SVIL: variants seen among roughly 807,000 people sequenced by gnomAD.
The protein encoded by SVIL is archvillin.
In SVIL, 101 loss-of-function variants were observed where a neutral mutation model predicts 240.4. The ratio of observed to expected loss-of-function variants is 0.42; its 90% CI spans 0.36 to 0.50. The LOEUF (loss-of-function observed/expected upper bound fraction) is 0.50, where lower values mean the gene tolerates loss of function less well. Among genes scored for constraint, SVIL ranks in the 20% least tolerant of loss-of-function variants. The probability of loss-of-function intolerance (pLI) is 0.01; values close to 1 mark genes in which losing one functional copy is unlikely to be tolerated. For missense variants in SVIL, 2,512 were observed against 2,818.7 expected, an observed-to-expected ratio of 0.89 and a Z score of 2.46; for synonymous variants, 999 against 1,100.0, an observed-to-expected ratio of 0.91 and a Z score of 1.82.
chr10:29,627,696 AGACCT>A (rs1222427214), intron 1 of SVIL, among the ~76,000 whole-genome samples: 1 of 152,348 alleles, frequency 6.6e-6, no homozygotes, highest in East Asian at 1.9e-4. Flanking sequence ...TCTGGAGTGA[AGACCT>A]GATACAAATC....
chr10:29,660,465 T>C (rs1191695006), intron 2 of SVIL, among the ~76,000 whole-genome samples: 1 of 151,872 alleles, frequency 6.6e-6, no homozygotes, highest in East Asian at 1.9e-4. Flanking sequence ...TATAAAAAAT[T>C]AGCCAGGCAT....
At chr10:29,637,329 A>G (rs1958345092), upstream of SVIL, among the ~76,000 whole-genome samples, 1 of 152,072 alleles carries the variant, frequency 6.6e-6, no homozygotes, top group African/African-American at 2.4e-5. Context: ...TATCAAAAAT[A>G]CAGAAAAATT....
At chr10:29,500,942 G>A (rs1172238506) in intron 17 of SVIL, among the ~76,000 whole-genome samples, 2 of 152,148 alleles carry the variant, frequency 1.3e-5, no homozygotes, top group Non-Finnish European at 2.9e-5. Flanking sequence ...AATGATGGGA[G>A]TTGACAGAGG....
At chr10:29,492,721 C>T (rs1466148506) in intron 21 of SVIL, among the ~76,000 whole-genome samples, 1 of 152,148 alleles carries the variant, frequency 6.6e-6, no homozygotes, top group East Asian at 1.9e-4. Flanking sequence ...AATGAGAAAG[C>T]CCGCAGATCT....
In SVIL at chr10:29,522,619, C is replaced by A. The variant is rs139901296; in HGVS notation, c.3180G>T (p.Glu1060Asp). The change falls in exon 16 of 38, where the codon GAG (glutamate) becomes GAT (aspartate). Residue 1060 changes from glutamate (E) to aspartate (D), a missense_variant. Around this residue, in one of 3 missense-constraint regions of SVIL, gnomAD observed 1,443 missense variants for 1,486.6 expected, o/e 0.97. Coordinates refer to ENST00000355867, the MANE Select transcript of SVIL (RefSeq NM_021738.3). ...CTGTCCCCGTCTGCTCGGAAGTGGG[C>A]TCCCCGAACTCTGCCGCTGGGAAGG... ...KFSLRAAEFG[E>D]PTSEQTGTAA... The A allele has an allele frequency of 1.2e-6, 2 of 1,614,064 alleles. No homozygotes were observed. Among genetic ancestry groups the A allele is most frequent in the Non-Finnish European group, 1.7e-6 (2 of 1,179,994 alleles).
intron 17 of SVIL, among the ~76,000 whole-genome samples, chr10:29,506,916 T>C (rs1380034437): frequency 2.6e-5 from 4 of 152,174 alleles, no homozygotes; most frequent in Non-Finnish European, 5.9e-5. Context: ...CTGGCATTCA[T>C]GGAAAAGTGG....
At chr10:29,535,298 A>G (rs972537770) in intron 7 of SVIL, among the ~76,000 whole-genome samples, 1 of 152,182 alleles carries the variant, frequency 6.6e-6, no homozygotes, top group East Asian at 1.9e-4. Context: ...TTTGTTAATC[A>G]AAAGGAGACT....
At chr10:29,661,236 A>G (rs2133037548) in intron 2 of SVIL, among the ~76,000 whole-genome samples, 1 of 152,256 alleles carries the variant, frequency 6.6e-6, no homozygotes, top group East Asian at 1.9e-4. Context: ...TTAAAGACAA[A>G]GGGAAAACCT....
chr10:29,597,228 G>C (rs573703691), intron 1 of SVIL, among the ~76,000 whole-genome samples: 2 of 152,096 alleles, frequency 1.3e-5, no homozygotes, highest in African/African-American at 4.8e-5. Flanking sequence ...CTCCTTAAAC[G>C]GGCTGCACTG....
intron 18 of SVIL, among the ~76,000 whole-genome samples, chr10:29,497,449 C>T (rs2132425784): frequency 6.6e-6 from 1 of 152,198 alleles, no homozygotes; most frequent in East Asian, 1.9e-4. Flanking sequence ...AAATAAAGCC[C>T]CAAACACTCT....
chr10:29,495,809 C>A (rs373263072), intron 18 of SVIL, among the ~76,000 whole-genome samples: 104 of 151,664 alleles, frequency 6.9e-4, no homozygotes, highest in African/African-American at 2.4e-3. Context: ...TTTAAAAGGG[C>A]AAGTGGTGAG....
intron 2 of SVIL, among the ~76,000 whole-genome samples, chr10:29,664,133 G>A (rs1959189941): frequency 6.6e-6 from 1 of 152,134 alleles, no homozygotes; most frequent in African/African-American, 2.4e-5. Flanking sequence ...GTACACTCCT[G>A]CAAAACCCTG....
At chr10:29,632,971 C>T (rs771054755) in intron 1 of SVIL, among the ~76,000 whole-genome samples, 10 of 152,150 alleles carry the variant, frequency 6.6e-5, no homozygotes, top group Non-Finnish European at 8.8e-5. Context: ...CAGGGGCTCA[C>T]GCCTATAATC....
At chr10:29,589,970 A>AGCCTGGCCAAGATGGTGAAACCCC (rs2132798320) in intron 1 of SVIL, among the ~76,000 whole-genome samples, 1 of 152,090 alleles carries the variant, frequency 6.6e-6, no homozygotes, top group Non-Finnish European at 1.5e-5. Context: ...AGTGAAGACC[A>AGCCTGGCCAAGATGGTGAAACCCC]GCCTGGCCAA....
chr10:29,645,458 T>A (rs1727130252), intron 3 of SVIL, among the ~76,000 whole-genome samples: 4 of 152,024 alleles, frequency 2.6e-5, no homozygotes. Context: ...TAGTCCAAAC[T>A]ACTCGGGAGG....
Position 29,731,330 on chromosome 10 carries a change from G to C in SVIL, c.-400+4421C>G, listed in dbSNP as rs145386094. 1.8e-3 allele frequency among the ~76,000 whole-genome samples: 280 copies of C among 152,268 alleles called. 2 individuals carry two copies. The highest frequency in any genetic ancestry group is 6.5e-3 in the African/African-American group (269 of 41,554). ...TAAATCCACTAGCCATACCACCTTG[G>C]ATAAGCAACAACTTCTTATAAACTG... On this transcript the variant is annotated intron_variant, in intron 1 of 35. Coordinates refer to the SVIL transcript ENST00000375400.
Position 29,488,614 on chromosome 10 carries a change from C to T in SVIL, c.4335G>A (p.Leu1445=), listed in dbSNP as rs780694362. ...GCTCTGAAATACCTTTAATCTGCAA[C>T]AGCATCAGCCTCTTGTAGGGCACGG... ...NSAVPYKRLM[L]LQIKGRRHVQ... is the part of the protein sequence containing the mutation. The change falls in exon 23 of 38, where the codon CTG becomes CTA. Residue 1445 remains leucine (L), a synonymous_variant. Coordinates refer to ENST00000355867, the MANE Select transcript of SVIL (RefSeq NM_021738.3). The T allele has an allele frequency of 2.5e-6, 4 of 1,597,362 alleles. No homozygotes were observed. The highest frequency in any genetic ancestry group is 2.3e-5 in the South Asian group (2 of 87,464).
chr10:29,470,235 GC>G lies in SVIL; in HGVS notation c.5843+40del, dbSNP rs755689268. 9 of 1,588,778 alleles carry G rather than the reference GC, an allele frequency of 5.7e-6. No homozygotes were observed. In the South Asian group the frequency reaches 1.0e-4, roughly 18 times the overall value. On this transcript the variant is annotated intron_variant, in intron 32 of 37. Transcript: ENST00000355867. Reference sequence around the variant, plus strand: ...TGAGCCTGCCCCGTCCCTCTGGGAAGCCCGGTGTGTGGGGGGACTCGCCGCA... The same window carrying G: ...TGAGCCTGCCCCGTCCCTCTGGGAAGCCGGTGTGTGGGGGGACTCGCCGCA...
At chr10:29,527,599 G>A (rs139211969) in intron 12 of SVIL, among the ~76,000 whole-genome samples, 12,923 of 148,722 alleles carry the variant, frequency 0.087, 714 homozygotes, top group South Asian at 0.13. Context: ...GTTAATTTTT[G>A]TATTTTTATT....
Sources: allele counts gnomAD v4.1 joint callset (sites outside exome capture counted in the v4.1 genomes callset), GRCh38; gene constraint gnomAD v4.1.1; regional missense constraint gnomAD v4.1.1; transcripts MANE v1.5; gene names NCBI Gene and HGNC (gene_info 2026-07-23, HGNC 2026-07-21).